PARVA: variants seen among roughly 807,000 people sequenced by gnomAD.
PARVA encodes the protein alpha-parvin.
PARVA carries 25 observed loss-of-function variants against 52.6 expected under a neutral mutation model. That is an observed-to-expected ratio of 0.48 (90% CI 0.35 to 0.66). The LOEUF is 0.66. Among genes scored for constraint, PARVA ranks in the 30% least tolerant of loss-of-function variants. PARVA has a pLI of 0.01. For synonymous variants in PARVA, 185 were observed against 179.1 expected, an observed-to-expected ratio of 1.03 and a Z score of -0.26; for missense variants, 373 against 450.9, an observed-to-expected ratio of 0.83 and a Z score of 1.56.
chr11:12,504,170 G>A (rs1589983272), intron 5 of PARVA, 144 bp from the exon 6 acceptor site: 25 of 622,106 alleles, frequency 4.0e-5, no homozygotes, highest in South Asian at 3.3e-4. Flanking sequence ...CTCCAACACC[G>A]GGGATTACAT....
intron 1 of PARVA, among the ~76,000 whole-genome samples, chr11:12,391,138 T>A (rs2134953956): frequency 6.6e-6 from 1 of 152,340 alleles, no homozygotes; most frequent in South Asian, 2.1e-4. Flanking sequence ...TTCCTTCTGA[T>A]TGTCACTGTG....
intron 1 of PARVA, among the ~76,000 whole-genome samples, chr11:12,463,673 C>G (rs11824938): frequency 3.9e-5 from 6 of 152,136 alleles, no homozygotes; most frequent in Non-Finnish European, 7.4e-5. Context: ...AAGGAAGTCA[C>G]TAGACGCAGC....
intron 1 of PARVA, among the ~76,000 whole-genome samples, chr11:12,448,534 G>A (rs1450400410): frequency 2.0e-5 from 3 of 152,156 alleles, no homozygotes; most frequent in African/African-American, 7.2e-5. Context: ...TCTTGGACAG[G>A]GATTCATCAA....
intron 12 of PARVA, among the ~76,000 whole-genome samples, chr11:12,524,437 C>T (rs1268168753): frequency 2.0e-4 from 31 of 152,154 alleles, no homozygotes; most frequent in Middle Eastern, 3.2e-3. Context: ...TTTTCTTTTT[C>T]TAGCAACCTC....
At chr11:12,383,625 T>C (rs576717153) in intron 1 of PARVA, among the ~76,000 whole-genome samples, 54 of 152,324 alleles carry the variant, frequency 3.5e-4, no homozygotes, top group Non-Finnish European at 6.5e-4. Context: ...GAGCTACCCT[T>C]TTCTTCTAAT....
In PARVA at chr11:12,435,973, C is replaced by T. The variant is rs140010269; in HGVS notation, c.137-37772C>T. Among the ~76,000 whole-genome samples, 259 of 152,166 alleles carry T rather than the reference C, an allele frequency of 1.7e-3. 2 individuals are homozygous for T. The highest frequency in any genetic ancestry group is 5.8e-3 in the African/African-American group (241 of 41,500). On this transcript the variant is annotated intron_variant, in intron 1 of 12. Transcript: ENST00000334956. ...GAGTAGCTGGGACTACAGGCGCGTA[C>T]CACCACACACAGCTAATTTTTTGTA...
chr11:12,377,856 T>G (rs1384517401), intron 1 of PARVA, 73 bp downstream of exon 1: 22 of 1,203,430 alleles, frequency 1.8e-5, no homozygotes, highest in Non-Finnish European at 2.4e-5. Flanking sequence ...GCCGGGGCAC[T>G]GGGACCGGGC....
rs753692613 is a variant in PARVA, at chr11:12,377,829, G to A, written c.136+46G>A. ...CGGGCGGGCGGTAGGAGCCGGGGGT[G>A]CCGTAGGGGCCGAGGGGCCGGGGCA... On this transcript the variant is annotated intron_variant, in intron 1 of 12. Transcript: ENST00000334956. 45 of 1,417,916 alleles carry A rather than the reference G, an allele frequency of 3.2e-5. 2 individuals are homozygous for A. In the South Asian group the frequency reaches 5.7e-4, roughly 18 times the overall value. The allele number at this position is 1,417,916 out of a possible 1,614,324, so 87.8% of individuals were successfully genotyped here. A position where few individuals can be genotyped will look rare whatever the true frequency, so the allele number is the denominator to read the frequency against.
At chr11:12,473,716 A>T in intron 1 of PARVA, 29 bp from the exon 2 acceptor site, 1 of 1,526,442 alleles carries the variant, frequency 6.6e-7, no homozygotes, top group Non-Finnish European at 8.9e-7. Context: ...GTCAGCTGAA[A>T]TGTGACCCTG....
At chr11:12,431,094 C>T (rs913702525) in intron 1 of PARVA, among the ~76,000 whole-genome samples, 5 of 152,352 alleles carry the variant, frequency 3.3e-5, no homozygotes, top group Admixed American at 2.0e-4. Flanking sequence ...TCTGCCCCTG[C>T]TCCCAGGGCT....
At chr11:12,496,059 C>G (rs1385889237) in intron 4 of PARVA, among the ~76,000 whole-genome samples, 1 of 152,196 alleles carries the variant, frequency 6.6e-6, no homozygotes, top group African/African-American at 2.4e-5. Flanking sequence ...TGGACCTGAC[C>G]AGACTGTACT....
chr11:12,521,463 A>G (rs553188397), intron 12 of PARVA, among the ~76,000 whole-genome samples: 2 of 152,352 alleles, frequency 1.3e-5, no homozygotes, highest in South Asian at 4.1e-4. Flanking sequence ...AGCCGAAAGT[A>G]GAAAACAGTT....
chr11:12,405,738 C>T (rs1410218183), intron 1 of PARVA, among the ~76,000 whole-genome samples: 2 of 152,152 alleles, frequency 1.3e-5, no homozygotes, highest in African/African-American at 2.4e-5. Context: ...GGGTGGATCA[C>T]TTAAGGTCAG....
intron 1 of PARVA, among the ~76,000 whole-genome samples, chr11:12,471,440 G>T (rs559828222): frequency 1.3e-5 from 2 of 152,264 alleles, no homozygotes; most frequent in African/African-American, 4.8e-5. Context: ...TGTCCTGGGG[G>T]CTTGTTGTAT....
intron 1 of PARVA, among the ~76,000 whole-genome samples, chr11:12,385,236 G>A (rs1939556966): frequency 6.6e-6 from 1 of 152,120 alleles, no homozygotes; most frequent in Admixed American, 6.5e-5. Flanking sequence ...GGCTGACATG[G>A]AAGGAACGCT....
chr11:12,417,171 A>C (rs1482703620), intron 1 of PARVA, among the ~76,000 whole-genome samples: 1 of 152,162 alleles, frequency 6.6e-6, no homozygotes, highest in Non-Finnish European at 1.5e-5. Context: ...CAGCAATTCC[A>C]CCTTTAGGAA....
At chr11:12,402,440 A>G (rs1198986977) in intron 1 of PARVA, among the ~76,000 whole-genome samples, 1 of 152,224 alleles carries the variant, frequency 6.6e-6, no homozygotes, top group Non-Finnish European at 1.5e-5. Flanking sequence ...GTAAATGTTA[A>G]CTAAGGTTGA....
At chr11:12,451,389 T>G (rs1940621884) in intron 1 of PARVA, among the ~76,000 whole-genome samples, 1 of 151,930 alleles carries the variant, frequency 6.6e-6, no homozygotes, top group Non-Finnish European at 1.5e-5. Context: ...TTCCTGCTGC[T>G]GGATACTCAC....
intron 1 of PARVA, among the ~76,000 whole-genome samples, chr11:12,397,821 T>C (rs981970554): frequency 8.1e-6 from 1 of 123,390 alleles, no homozygotes. Context: ...GGGAAGGTCT[T>C]TTTTTTTTTT....
Sources: allele counts gnomAD v4.1 joint callset (sites outside exome capture counted in the v4.1 genomes callset), GRCh38; gene constraint gnomAD v4.1.1; transcripts MANE v1.5; gene names NCBI Gene and HGNC (gene_info 2026-07-23, HGNC 2026-07-21).